The following PGBD5 variants were observed in gnomAD, a reference collection of about 807,000 sequenced individuals.
The protein encoded by PGBD5 is piggyBac transposable element-derived protein 5.
Under a neutral mutation model 47.9 loss-of-function variants are expected in PGBD5, and 14 were observed. The observed-to-expected ratio is 0.29, with a 90% CI of 0.19 to 0.46. The LOEUF is 0.46. Ranked by LOEUF, PGBD5 falls within the 20% of genes least tolerant of loss-of-function variation. The probability of loss-of-function intolerance (pLI) is 1.00; values close to 1 mark genes in which losing one functional copy is unlikely to be tolerated. For missense variants in PGBD5, 635 were observed against 716.0 expected, an observed-to-expected ratio of 0.89 and a Z score of 1.29; for synonymous variants, 316 against 306.3, an observed-to-expected ratio of 1.03 and a Z score of -0.33.
chr1:230,333,143 T>C, intron 4 of PGBD5, 102 bp from the exon 5 acceptor site: 1 of 1,260,988 alleles, frequency 7.9e-7, no homozygotes, highest in Non-Finnish European at 1.1e-6. Context: ...ACTGCCCGGT[T>C]CTGAGGCTGA....
rs1323035619 is a variant in PGBD5, at chr1:230,425,736, C to T, written c.193G>A (p.Glu65Lys). ...SSAASSDDER[E>K]PPGPPGAAPP... ...GCGGCCCCTGGGGGTCCCGGGGGCTCGCGCTCGTCGTCCGAGGAGGCGGCC... is the reference window on the plus strand; with the variant it reads ...GCGGCCCCTGGGGGTCCCGGGGGCTTGCGCTCGTCGTCCGAGGAGGCGGCC... The change falls in exon 1 of 7, where the codon GAG (glutamate) becomes AAG (lysine). Residue 65 changes from glutamate (E) to lysine (K), a missense_variant. Physicochemically the swap from Glu to Lys is moderately conservative, Grantham distance 56. Transcript: ENST00000391860. This position sits in a 1 kb window ranked among gnomAD's most constrained non-coding sequence, Gnocchi z 4.7. 21 of 1,211,650 alleles carry T rather than the reference C, an allele frequency of 1.7e-5. No individual in the cohort carries two copies. The South Asian group carries it at 6.2e-4, about 36-fold the overall frequency. 75.1% of individuals were successfully genotyped at this position (1,211,650 alleles called of 1,614,324 possible).
At position 230,321,908 on chromosome 1, in the gene PGBD5, G is replaced by A. The variant is rs1227301430; in HGVS notation, c.*1517C>T. ...TCCGTGGCATCGATTCCAACCACAGGGCGGGGGAGTCACCATGATCTAGAG... is the reference window on the plus strand; with the variant it reads ...TCCGTGGCATCGATTCCAACCACAGAGCGGGGGAGTCACCATGATCTAGAG... On this transcript the variant is annotated 3_prime_UTR_variant, in exon 7 of 7. Coordinates refer to ENST00000391860, the MANE Select transcript of PGBD5 (RefSeq NM_001258311.2). 6.6e-6 allele frequency: 1 copy of A among 152,626 alleles called. No individual in the cohort carries two copies. Among genetic ancestry groups the A allele is most frequent in the Non-Finnish European group, 1.5e-5 (1 of 68,058 alleles). 9.5% of individuals were successfully genotyped at this position (152,626 alleles called of 1,614,324 possible).
chr1:230,388,923 A>G (rs828468), intron 1 of PGBD5, among the ~76,000 whole-genome samples: 54,335 of 152,102 alleles, frequency 0.36, 11,037 homozygotes, highest in African/African-American at 0.53. Context: ...GCTGGAGACA[A>G]GAAAGGGCAG....
intron 1 of PGBD5, among the ~76,000 whole-genome samples, chr1:230,423,118 A>G (rs1382436262): frequency 2.0e-5 from 3 of 152,196 alleles, no homozygotes; most frequent in African/African-American, 7.2e-5. Context: ...CATTTCCATA[A>G]AACACATTTA....
At chr1:230,330,239 T>C (rs1256865435) in intron 5 of PGBD5, among the ~76,000 whole-genome samples, 2 of 152,154 alleles carry the variant, frequency 1.3e-5, no homozygotes, top group Non-Finnish European at 2.9e-5. Flanking sequence ...AATAAAAAAG[T>C]AGTGCCGGTA....
chr1:230,339,584 A>G (rs919442355), intron 3 of PGBD5, among the ~76,000 whole-genome samples: 2 of 152,234 alleles, frequency 1.3e-5, no homozygotes, highest in African/African-American at 4.8e-5. Context: ...ATTATTCACA[A>G]TCGCCAAGAT....
At chr1:230,333,160 GGA>G (rs2102815800) in intron 4 of PGBD5, 119 bp from the exon 5 acceptor site, 1 of 1,061,094 alleles carries the variant, frequency 9.4e-7, no homozygotes, top group African/African-American at 1.6e-5. Flanking sequence ...CTGATGCTTG[GGA>G]GTCAGACCCT....
At chr1:230,396,436 C>G (rs1237415716) in intron 1 of PGBD5, among the ~76,000 whole-genome samples, 1 of 137,688 alleles carries the variant, frequency 7.3e-6, no homozygotes, top group African/African-American at 2.8e-5. Context: ...ACCATCCTCC[C>G]TTTCACTCTC....
chr1:230,422,823 G>A (rs758966492), intron 1 of PGBD5, among the ~76,000 whole-genome samples: 2 of 151,838 alleles, frequency 1.3e-5, no homozygotes, highest in Non-Finnish European at 2.9e-5. Flanking sequence ...TTGCTTTTAG[G>A]GCTGGCACGG....
At chr1:230,394,759 C>T (rs1310156573) in intron 1 of PGBD5, among the ~76,000 whole-genome samples, 2 of 125,682 alleles carry the variant, frequency 1.6e-5, no homozygotes, top group African/African-American at 3.0e-5. Flanking sequence ...CCTCCACTCA[C>T]GCTCCTCCCA....
intron 1 of PGBD5, among the ~76,000 whole-genome samples, chr1:230,387,534 G>A (rs1656672405): frequency 6.6e-6 from 1 of 152,234 alleles, no homozygotes; most frequent in Non-Finnish European, 1.5e-5. Context: ...CATTAGGTCA[G>A]GTGACTGAAT....
chr1:230,338,508 G>A (rs909562959), intron 3 of PGBD5, among the ~76,000 whole-genome samples: 2 of 152,198 alleles, frequency 1.3e-5, no homozygotes, highest in East Asian at 1.9e-4. Context: ...TGTGAAAGCC[G>A]GCAATGATTG....
chr1:230,342,848 T>C (rs1304695035), intron 3 of PGBD5, among the ~76,000 whole-genome samples: 1 of 152,244 alleles, frequency 6.6e-6, no homozygotes, highest in African/African-American at 2.4e-5. Context: ...CAGCCACATA[T>C]GGCTGTTTTC....
At chr1:230,393,717 C>T (rs1656848530) in intron 1 of PGBD5, among the ~76,000 whole-genome samples, 1 of 149,360 alleles carries the variant, frequency 6.7e-6, no homozygotes, top group African/African-American at 2.5e-5. Context: ...CCCAGCTACT[C>T]GGGAGGCTGA....
chr1:230,396,167 C>A (rs1656952832), intron 1 of PGBD5, among the ~76,000 whole-genome samples: 1 of 137,994 alleles, frequency 7.2e-6, no homozygotes, highest in South Asian at 2.5e-4. Flanking sequence ...CCACACTCCT[C>A]CCTTTTACCC....
At chr1:230,384,167 A>G (rs1656581894) in intron 1 of PGBD5, among the ~76,000 whole-genome samples, 1 of 152,182 alleles carries the variant, frequency 6.6e-6, no homozygotes, top group Admixed American at 6.5e-5. Flanking sequence ...ATATATTTCA[A>G]CCATTTAGGT....
chr1:230,350,143 C>T (rs772352563), intron 3 of PGBD5, among the ~76,000 whole-genome samples: 10 of 152,316 alleles, frequency 6.6e-5, no homozygotes, highest in African/African-American at 1.2e-4. Context: ...AGCAAGTGAG[C>T]GTGCGGTCAG....
chr1:230,414,091 G>A (rs1388539756), intron 1 of PGBD5, among the ~76,000 whole-genome samples: 1 of 152,152 alleles, frequency 6.6e-6, no homozygotes. Flanking sequence ...TTGGGATTAC[G>A]AACATTGGAT....
chr1:230,379,423 T>C (rs1178250381), intron 1 of PGBD5, among the ~76,000 whole-genome samples: 4 of 152,220 alleles, frequency 2.6e-5, no homozygotes, highest in Admixed American at 2.6e-4. Context: ...TGTAGTAGCC[T>C]GCTAATCAGA....
Sources: gnomAD v4.1 joint callset for allele counts (sites outside exome capture counted in the v4.1 genomes callset) on GRCh38, gnomAD v4.1.1 for gene constraint, Gnocchi (gnomAD v3.1) non-coding constraint, MANE v1.5 for transcripts, NCBI Gene and HGNC (gene_info 2026-07-23, HGNC 2026-07-21) for gene names.